The following MPPED1 variants were observed in gnomAD, a reference collection of about 807,000 sequenced individuals.
MPPED1 encodes the protein metallophosphoesterase domain containing 1.
MPPED1 carries 16 observed loss-of-function variants against 36.2 expected under a neutral mutation model. That is an observed-to-expected ratio of 0.44 (90% CI 0.30 to 0.67). The LOEUF (loss-of-function observed/expected upper bound fraction) is 0.67, where lower values mean the gene tolerates loss of function less well. Ranked by LOEUF, MPPED1 falls within the 30% of genes least tolerant of loss-of-function variation. The probability of loss-of-function intolerance (pLI) is 0.10; values close to 1 mark genes in which losing one functional copy is unlikely to be tolerated. For synonymous variants in MPPED1, 199 were observed against 191.3 expected (o/e 1.04, Z -0.33); for missense variants, 307 against 453.4 (o/e 0.68, Z 2.93).
At chr22:43,443,064 A>G (rs1930207694) in intron 3 of MPPED1, among the ~76,000 whole-genome samples, 2 of 152,158 alleles carry the variant, frequency 1.3e-5, no homozygotes, top group Admixed American at 1.3e-4. Flanking sequence ...CATAGGTGGT[A>G]AATAGCAAGC....
At chr22:43,429,467 G>A (rs184253608) in intron 2 of MPPED1, among the ~76,000 whole-genome samples, 1 of 152,366 alleles carries the variant, frequency 6.6e-6, no homozygotes, top group African/African-American at 2.4e-5. Context: ...TCAGGTCTTT[G>A]CCCATGCTGT....
intron 3 of MPPED1, among the ~76,000 whole-genome samples, chr22:43,444,452 C>T (rs2146845398): frequency 6.6e-6 from 1 of 151,364 alleles, no homozygotes; most frequent in Non-Finnish European, 1.5e-5. Context: ...CTGCAACCTC[C>T]CCCTCCCGGG....
intron 3 of MPPED1, among the ~76,000 whole-genome samples, chr22:43,467,213 G>T (rs1931203285): frequency 6.6e-6 from 1 of 152,258 alleles, no homozygotes; most frequent in Admixed American, 6.5e-5. Flanking sequence ...TTGCTGCACT[G>T]CCTTTCATCT....
chr22:43,435,313 C>G, intron 3 of MPPED1, 98 bp downstream of exon 3: 1 of 1,350,506 alleles, frequency 7.4e-7, no homozygotes, highest in Non-Finnish European at 1.0e-6. Flanking sequence ...TCCTGCGCTG[C>G]CCGGGCCCCC....
intron 3 of MPPED1, among the ~76,000 whole-genome samples, chr22:43,446,190 AT>A: frequency 6.6e-6 from 1 of 152,162 alleles, no homozygotes; most frequent in East Asian, 1.9e-4. Flanking sequence ...CTTTTAATGC[AT>A]TTTTAACTCT....
At chr22:43,428,228 C>G (rs116774756) in intron 2 of MPPED1, among the ~76,000 whole-genome samples, 2 of 152,176 alleles carry the variant, frequency 1.3e-5, no homozygotes, top group Non-Finnish European at 2.9e-5. Flanking sequence ...TCACACCTGG[C>G]CTGCCCCACC....
intron 4 of MPPED1, among the ~76,000 whole-genome samples, chr22:43,476,319 C>T (rs901670166): frequency 1.3e-5 from 2 of 152,112 alleles, no homozygotes; most frequent in Non-Finnish European, 2.9e-5. Context: ...AAAAGTGTGG[C>T]TTGATCCTGG....
rs1453335455 is a variant in MPPED1 at position 43,435,079 on chromosome 22, C to T, written c.270C>T (p.Thr90=). The T allele has an allele frequency of 6.2e-7, 1 of 1,613,880 alleles. No homozygotes were observed. The highest frequency in any genetic ancestry group is 1.7e-5 in the Admixed American group (1 of 60,030). ...ATGCCCCCAAACCTCCAGGCTACACCCGCTTCGTCTGCGTCTCTGATACCC... is the reference window on the plus strand; with the variant it reads ...ATGCCCCCAAACCTCCAGGCTACACTCGCTTCGTCTGCGTCTCTGATACCC... The part of the protein sequence containing the change: ...PHDAPKPPGY[T]RFVCVSDTHS... Residue 90 remains threonine, a synonymous_variant, in exon 3 of 7, where the codon ACC becomes ACT. Coordinates refer to ENST00000443721, the MANE Select transcript of MPPED1 (RefSeq NM_001044370.2).
chr22:43,497,929 G>GTGTGTATATATATATATATATATATATA (rs1555904565), intron 4 of MPPED1, among the ~76,000 whole-genome samples: 1 of 48,754 alleles, frequency 2.1e-5, no homozygotes, highest in African/African-American at 6.3e-5. Context: ...ATATATATAT[G>GTGTGTATATATATATATATATATATATA]TATATGTATA....
At chr22:43,495,572 A>G (rs1009700498) in intron 4 of MPPED1, among the ~76,000 whole-genome samples, 1,000 of 9,408 alleles carry the variant, frequency 0.11, 9 homozygotes, top group Middle Eastern at 0.14. Flanking sequence ...GGTGGAGGTG[A>G]TGGTGGAGGT....
intron 3 of MPPED1, among the ~76,000 whole-genome samples, chr22:43,440,498 C>G (rs2146840507): frequency 6.6e-6 from 1 of 152,338 alleles, no homozygotes; most frequent in East Asian, 1.9e-4. Flanking sequence ...CCCCAAGGCC[C>G]TGGCACTGCC....
intron 2 of MPPED1, among the ~76,000 whole-genome samples, chr22:43,426,139 G>A (rs1929461537): frequency 6.6e-6 from 1 of 152,164 alleles, no homozygotes; most frequent in African/African-American, 2.4e-5. Context: ...CCCGTGAGGT[G>A]CCCCACCCTG....
intron 3 of MPPED1, among the ~76,000 whole-genome samples, chr22:43,451,436 A>T (rs1470180676): frequency 6.6e-6 from 1 of 152,234 alleles, no homozygotes; most frequent in Non-Finnish European, 1.5e-5. Flanking sequence ...TAAAAAGTGT[A>T]TAGGTTTGTT....
intron 4 of MPPED1, among the ~76,000 whole-genome samples, chr22:43,491,513 T>G (rs1203366399): frequency 1.0e-3 from 101 of 99,400 alleles, no homozygotes; most frequent in Middle Eastern, 0.016. Flanking sequence ...AGGTGGTGGT[T>G]ATGGAGGTGG....
intron 2 of MPPED1, among the ~76,000 whole-genome samples, chr22:43,431,997 G>A (rs1482915380): frequency 2.0e-5 from 3 of 152,178 alleles, no homozygotes; most frequent in Admixed American, 6.5e-5. Context: ...CCTCAGAACC[G>A]CACTGCTCTT....
At position 43,454,744 on chromosome 22, in the gene MPPED1, T is replaced by TTTTG. The variant is rs1461794844; in HGVS notation, c.406+19530_406+19533dup. Among the ~76,000 whole-genome samples, 10 of 152,262 alleles carry TTTTG rather than the reference T, an allele frequency of 6.6e-5. No individual in the cohort carries two copies. The East Asian group carries it at 1.9e-3, about 29-fold the overall frequency. On this transcript the variant is annotated intron_variant, in intron 3 of 6. Coordinates refer to ENST00000443721, the MANE Select transcript of MPPED1 (RefSeq NM_001044370.2). ...TTTTGTATTTTTAGTAGAGATGGGG[T>TTTTG]TTTGACACGTTGCTCAGGCTGGTCT...
At position 43,414,708 on chromosome 22, in the gene MPPED1, T is replaced by C. The variant is rs1929017164; in HGVS notation, c.-79+2550T>C. On this transcript the variant is annotated intron_variant, in intron 1 of 6. Transcript: ENST00000443721. ...TCTGTCAAAGTCTTTAATGTGACAA[T>C]GTGACATGTCTCTCCCATCGCCCCT... 2.6e-5 allele frequency among the ~76,000 whole-genome samples: 4 copies of C among 152,188 alleles called. No homozygotes were observed. In the South Asian group the frequency reaches 8.3e-4, roughly 32 times the overall value.
intron 6 of MPPED1, among the ~76,000 whole-genome samples, chr22:43,504,980 GTGA>G (rs1602033122): frequency 1.3e-5 from 2 of 151,680 alleles, no homozygotes; most frequent in South Asian, 2.1e-4. Flanking sequence ...GATAAAGGTA[GTGA>G]TGATGATGAC....
chr22:43,481,436 C>T (rs910934480), intron 4 of MPPED1, among the ~76,000 whole-genome samples: 13 of 152,194 alleles, frequency 8.5e-5, no homozygotes, highest in Non-Finnish European at 1.6e-4. Flanking sequence ...TCTGAGGCTT[C>T]ATAGGGGCAG....
Sources: gnomAD v4.1 joint callset for allele counts (sites outside exome capture counted in the v4.1 genomes callset) on GRCh38, gnomAD v4.1.1 for gene constraint, MANE v1.5 for transcripts, NCBI Gene and HGNC (gene_info 2026-07-23, HGNC 2026-07-21) for gene names.